HMOX2: variants seen among roughly 807,000 people sequenced by gnomAD.
HMOX2 encodes the protein heme oxygenase (decycling) 2.
HMOX2 carries 30 observed loss-of-function variants against 33.7 expected under a neutral mutation model. The ratio of observed to expected loss-of-function variants is 0.89; its 90% CI spans 0.67 to 1.21. The LOEUF (loss-of-function observed/expected upper bound fraction) is 1.21, where lower values mean the gene tolerates loss of function less well. HMOX2 is among the 50% of genes most tolerant of loss of function. HMOX2 has a pLI of 0.00. For missense variants in HMOX2, 403 were observed against 399.1 expected (o/e 1.01, Z -0.08); for synonymous variants, 155 against 155.0 (o/e 1.00, Z 0.00).
chr16:4,491,563 G>T (rs953054539), intron 1 of HMOX2, among the ~76,000 whole-genome samples: 1 of 151,910 alleles, frequency 6.6e-6, no homozygotes, highest in African/African-American at 2.4e-5. Flanking sequence ...GAGGTGGGAG[G>T]ATCACTTGAG....
At chr16:4,475,216 G>A (rs2057784228), upstream of HMOX2, among the ~76,000 whole-genome samples, 1 of 152,054 alleles carries the variant, frequency 6.6e-6, no homozygotes, top group East Asian at 1.9e-4. Flanking sequence ...GCCTCCCAAA[G>A]TGCTGGGAGT....
At chr16:4,497,007 G>A (rs2058438400) in intron 1 of HMOX2, among the ~76,000 whole-genome samples, 1 of 152,072 alleles carries the variant, frequency 6.6e-6, no homozygotes, top group African/African-American at 2.4e-5. Flanking sequence ...TCCAGGAATG[G>A]CTTCTAAGGC....
intron 1 of HMOX2, 60 bp from the exon 2 acceptor site, chr16:4,505,424 A>G: frequency 1.3e-6 from 1 of 743,934 alleles, no homozygotes; most frequent in Non-Finnish European, 2.2e-6. Context: ...CAGAACCGAC[A>G]GGTATTTGGG....
intron 1 of HMOX2, among the ~76,000 whole-genome samples, chr16:4,487,175 C>T (rs865949029): frequency 6.6e-6 from 1 of 152,152 alleles, no homozygotes; most frequent in Non-Finnish European, 1.5e-5. Context: ...GGAAGTATCA[C>T]CTGAGCCCAG....
chr16:4,509,779 T>G lies in HMOX2; in HGVS notation c.*23T>G, dbSNP rs1439825637. On this transcript the variant is annotated 3_prime_UTR_variant, in exon 6 of 6. Transcript: ENST00000570646. Reference sequence around the variant, plus strand: ...TGAAGCACCCATCATGCCACACCGGTACCCTCCTCCCGACTGACCACTGGC... The same window carrying G: ...TGAAGCACCCATCATGCCACACCGGGACCCTCCTCCCGACTGACCACTGGC... 1 of 1,606,470 alleles carries G rather than the reference T, an allele frequency of 6.2e-7. No homozygotes were observed. The highest frequency in any genetic ancestry group is 1.7e-5 in the Admixed American group (1 of 59,206).
In HMOX2 at chr16:4,490,992, C is replaced by T. The variant is rs542420878; in HGVS notation, c.-41-14492C>T. On this transcript the variant is annotated intron_variant, in intron 1 of 5. Coordinates refer to ENST00000570646, the MANE Select transcript of HMOX2 (RefSeq NM_002134.4). ...TTGAGTAGTATCCCTGACCTCTACC[C>T]ACTATTGTCAGTAGCACACTCCCGT... is the stretch of plus-strand genomic sequence containing the variant. Among the ~76,000 whole-genome samples the T allele has an allele frequency of 9.2e-5, 14 of 152,284 alleles. No individual in the cohort carries two copies. The South Asian group carries it at 2.9e-3, about 32-fold the overall frequency.
chr16:4,482,626 A>G (rs189383701), intron 1 of HMOX2, among the ~76,000 whole-genome samples: 2 of 152,306 alleles, frequency 1.3e-5, no homozygotes, highest in Non-Finnish European at 2.9e-5. Flanking sequence ...CTATAAATCG[A>G]AAGTTCTGAC....
intron 1 of HMOX2, chr16:4,496,883 C>T (rs573644169): frequency 4.0e-5 from 6 of 149,864 alleles, no homozygotes; most frequent in South Asian, 2.1e-4. Flanking sequence ...TTTGTAGAGA[C>T]GGGGGGTCTC....
At chr16:4,476,283 AGCCACATACTCCG>A (rs1346126182), upstream of HMOX2, 1 of 152,314 alleles carries the variant, frequency 6.6e-6, no homozygotes, top group Non-Finnish European at 1.5e-5. Flanking sequence ...ACCTGGGGAA[AGCCACATACTCCG>A]CTTCCCGCCC....
intron 1 of HMOX2, among the ~76,000 whole-genome samples, chr16:4,501,770 T>C (rs950834745): frequency 1.1e-4 from 16 of 152,168 alleles, no homozygotes; most frequent in African/African-American, 3.9e-4. Context: ...AAAAAAATTA[T>C]GTTTCTGCAG....
At chr16:4,483,352 C>G (rs891012546) in intron 1 of HMOX2, among the ~76,000 whole-genome samples, 4 of 152,032 alleles carry the variant, frequency 2.6e-5, no homozygotes, top group Non-Finnish European at 5.9e-5. Flanking sequence ...ACCCTCTAAT[C>G]ACATGGTTGG....
chr16:4,504,517 C>T (rs2058639999), intron 1 of HMOX2, among the ~76,000 whole-genome samples: 1 of 149,338 alleles, frequency 6.7e-6, no homozygotes, highest in South Asian at 2.1e-4. Context: ...CGCGCCACCA[C>T]ATCCGGCTAA....
chr16:4,476,629 C>G (rs757702421), intron 1 of HMOX2, 142 bp downstream of exon 1: 1 of 152,390 alleles, frequency 6.6e-6, no homozygotes, highest in Non-Finnish European at 1.5e-5. Context: ...CTGCGCCGGT[C>G]TGAGGGGAGA....
At chr16:4,490,162 C>T (rs2058270983) in intron 1 of HMOX2, among the ~76,000 whole-genome samples, 1 of 152,150 alleles carries the variant, frequency 6.6e-6, no homozygotes, top group Non-Finnish European at 1.5e-5. Flanking sequence ...TTAGGTAGCT[C>T]TGAATATAAT....
In HMOX2 at chr16:4,505,570, A is replaced by T. The variant is rs774345742; in HGVS notation, c.46A>T (p.Lys16Ter). ...ETSEGVDESE[K>*]KNSGALEKEN... ...CTCAGAGGGGGTAGACGAGTCAGAA[A>T]AAAAGAACTCTGGGGCCCTAGAAAA... The change falls in exon 2 of 6, where the codon AAA becomes TAA. Residue 16 changes from lysine (K) to a stop codon, truncating the protein, a stop_gained. Coordinates refer to ENST00000570646, the MANE Select transcript of HMOX2 (RefSeq NM_002134.4). LOFTEE classifies it high-confidence loss of function. 6.2e-7 allele frequency: 1 copy of T among 1,605,626 alleles called. No homozygotes were observed. Among genetic ancestry groups the T allele is most frequent in the Admixed American group, 1.7e-5 (1 of 59,032 alleles).
intron 1 of HMOX2, among the ~76,000 whole-genome samples, chr16:4,497,869 A>G (rs1438139545): frequency 1.3e-5 from 2 of 152,106 alleles, no homozygotes; most frequent in Admixed American, 1.3e-4. Flanking sequence ...AAGTGCAGAG[A>G]TTACAGGCTT....
intron 1 of HMOX2, among the ~76,000 whole-genome samples, chr16:4,499,867 G>T (rs1287605262): frequency 2.0e-5 from 3 of 152,220 alleles, no homozygotes; most frequent in African/African-American, 7.2e-5. Flanking sequence ...TTAATTTAGA[G>T]ACATGGGACC....
intron 1 of HMOX2, among the ~76,000 whole-genome samples, chr16:4,493,209 A>G: frequency 6.6e-6 from 1 of 152,092 alleles, no homozygotes; most frequent in East Asian, 1.9e-4. Context: ...CCGTCTGCCT[A>G]CCAGCTAATT....
At chr16:4,492,281 C>CTAA (rs527787778) in intron 1 of HMOX2, among the ~76,000 whole-genome samples, 36 of 151,812 alleles carry the variant, frequency 2.4e-4, no homozygotes, top group African/African-American at 8.7e-4. Flanking sequence ...CTGCAGTGAG[C>CTAA]TAATATCTCA....
Sources: gnomAD v4.1 joint callset for allele counts (sites outside exome capture counted in the v4.1 genomes callset) on GRCh38, gnomAD v4.1.1 for gene constraint, MANE v1.5 for transcripts, NCBI Gene and HGNC (gene_info 2026-07-23, HGNC 2026-07-21) for gene names.